The following HTR1E variants were observed in gnomAD, a reference collection of about 807,000 sequenced individuals.
The protein encoded by HTR1E is 5-hydroxytryptamine receptor 1E.
In HTR1E, 3 loss-of-function variants were observed where a neutral mutation model predicts 3.4. That is an observed-to-expected ratio of 0.89 (90% confidence interval 0.41 to 2.31). HTR1E has a LOEUF of 2.31. Ranked by LOEUF, HTR1E falls within the 30% of genes most tolerant of loss-of-function variation. HTR1E has a pLI of 0.05. For missense variants in HTR1E, 392 were observed against 467.0 expected, an observed-to-expected ratio of 0.84 and a Z score of 1.48; for synonymous variants, 170 against 182.8, an observed-to-expected ratio of 0.93 and a Z score of 0.56.
chr6:87,007,211 T>C (rs1255352709), intron 1 of HTR1E, among the ~76,000 whole-genome samples: 1 of 152,170 alleles, frequency 6.6e-6, no homozygotes, highest in Non-Finnish European at 1.5e-5. Flanking sequence ...TTAAGTGAAA[T>C]AAGCCAGGCA....
rs1247030477 is a variant in HTR1E at position 86,958,057 on chromosome 6, A to ATTT, written c.-186+20251_-186+20253dup. On this transcript the variant is annotated intron_variant, in intron 1 of 1. Coordinates refer to ENST00000305344, the MANE Select transcript of HTR1E (RefSeq NM_000865.3). Reference sequence around the variant, plus strand: ...CATGCATTCCTTGACCAATAGAGGCATTTTTTTTTTTTTTTTTTTGAGACA... The same window carrying ATTT: ...CATGCATTCCTTGACCAATAGAGGCATTTTTTTTTTTTTTTTTTTTTTGAGACA... 3.1e-4 allele frequency among the ~76,000 whole-genome samples: 41 copies of ATTT among 131,216 alleles called. 1 individual carries two copies. The highest frequency in any genetic ancestry group is 7.4e-4 in the South Asian group (3 of 4,080). The allele number at this position is 131,216 out of a possible 152,430, so 86.1% of individuals were successfully genotyped here. A position where few individuals can be genotyped will look rare whatever the true frequency, so the allele number is the denominator to read the frequency against.
chr6:86,987,996 T>C (rs554568455), intron 1 of HTR1E, among the ~76,000 whole-genome samples: 6 of 152,320 alleles, frequency 3.9e-5, no homozygotes, highest in Admixed American at 1.3e-4. Flanking sequence ...ATATGGCTGC[T>C]ATATTGAATA....
In HTR1E at chr6:86,962,851, AAAAAT is replaced by A. The variant is rs903170445; in HGVS notation, c.-186+25038_-186+25042del. On this transcript the variant is annotated intron_variant, in intron 1 of 1. Transcript: ENST00000305344. ...AGACCCTGTCTCCAAAAATAAGATA[AAAAAT>A]AAAATAAAAATAAAAGCATACCACA... Among the ~76,000 whole-genome samples, 28 of 152,294 alleles carry A rather than the reference AAAAAT, an allele frequency of 1.8e-4. No homozygotes were observed. In the South Asian group the frequency reaches 3.3e-3, roughly 18 times the overall value.
intron 1 of HTR1E, among the ~76,000 whole-genome samples, chr6:86,997,522 A>C (rs1490039898): frequency 6.6e-6 from 1 of 151,918 alleles, no homozygotes; most frequent in Non-Finnish European, 1.5e-5. Flanking sequence ...TACCCAAAAT[A>C]AAAGATATTT....
intron 1 of HTR1E, among the ~76,000 whole-genome samples, chr6:86,967,420 T>A (rs533092276): frequency 6.6e-6 from 1 of 152,328 alleles, no homozygotes; most frequent in Non-Finnish European, 1.5e-5. Flanking sequence ...CTTTATTTAG[T>A]TAGGAATACA....
intron 1 of HTR1E, among the ~76,000 whole-genome samples, chr6:86,963,214 TAAAC>T (rs915039635): frequency 5.9e-5 from 9 of 151,938 alleles, no homozygotes; most frequent in African/African-American, 2.2e-4. Context: ...ATTTAAAAAA[TAAAC>T]AAAAAAATTT....
At chr6:86,956,140 G>A (rs903589338) in intron 1 of HTR1E, among the ~76,000 whole-genome samples, 1 of 151,990 alleles carries the variant, frequency 6.6e-6, no homozygotes, top group Non-Finnish European at 1.5e-5. Flanking sequence ...GAAATAGAAA[G>A]TATTTTACCC....
intron 1 of HTR1E, among the ~76,000 whole-genome samples, chr6:86,964,404 T>A (rs1246354528): frequency 6.6e-6 from 1 of 152,228 alleles, no homozygotes; most frequent in Non-Finnish European, 1.5e-5. Flanking sequence ...AAATATGCCA[T>A]CCATGCAATA....
intron 1 of HTR1E, among the ~76,000 whole-genome samples, chr6:87,002,581 G>A (rs1394139771): frequency 6.6e-6 from 1 of 152,066 alleles, no homozygotes; most frequent in East Asian, 1.9e-4. Context: ...AGTGCTGACT[G>A]GTGCATTTTT....
At chr6:86,999,843 A>G (rs1767994287) in intron 1 of HTR1E, among the ~76,000 whole-genome samples, 1 of 152,218 alleles carries the variant, frequency 6.6e-6, no homozygotes, top group Admixed American at 6.5e-5. Context: ...GCTAGATTAC[A>G]TGACCCTGCA....
Sources: allele counts gnomAD v4.1 joint callset (sites outside exome capture counted in the v4.1 genomes callset), GRCh38; gene constraint gnomAD v4.1.1; transcripts MANE v1.5; gene names NCBI Gene and HGNC (gene_info 2026-07-23, HGNC 2026-07-21).